Variants in POLK observed in about 807,000 individuals in gnomAD.
The protein encoded by POLK is DNA polymerase kappa, also known as polymerase (DNA directed) kappa.
A neutral mutation model predicts 94.0 loss-of-function variants in POLK; 76 were observed. The ratio of observed to expected loss-of-function variants is 0.81; its 90% CI spans 0.67 to 0.98. The LOEUF is 0.98. POLK is among the 50% of genes least tolerant of loss of function. POLK has a pLI of 0.00. For synonymous variants in POLK, 349 were observed against 325.4 expected, an observed-to-expected ratio of 1.07 and a Z score of -0.78; for missense variants, 954 against 1,010.1, an observed-to-expected ratio of 0.94 and a Z score of 0.75.
exon 13 of POLK, chr5:75,597,042 C>T (rs765967743): frequency 8.1e-6 from 13 of 1,613,534 alleles, no homozygotes; most frequent in Non-Finnish European, 1.1e-5. Flanking sequence ...CTGTTTGTAA[C>T]GTAGAACAAA....
intron 2 of POLK, among the ~76,000 whole-genome samples, chr5:75,548,049 A>G (rs1770141968): frequency 6.6e-6 from 1 of 151,992 alleles, no homozygotes; most frequent in Non-Finnish European, 1.5e-5. Flanking sequence ...TCAGACTTTG[A>G]AGAGCTAGGA....
intron 1 of POLK, among the ~76,000 whole-genome samples, chr5:75,530,941 G>A (rs1002096417): frequency 6.6e-6 from 1 of 151,632 alleles, no homozygotes; most frequent in Non-Finnish European, 1.5e-5. Context: ...GAGTAGCTGG[G>A]ACTACAGGTG....
At chr5:75,511,291 C>G, upstream of POLK, 1 of 1,566,602 alleles carries the variant, frequency 6.4e-7, no homozygotes, top group Non-Finnish European at 8.7e-7. Flanking sequence ...GGTGAAGGGT[C>G]GGGGGATGGC....
chr5:75,528,774 G>A lies in POLK; in HGVS notation c.-14+16860G>A, dbSNP rs975385022. Reference sequence around the variant, plus strand: ...TACAGTGAGCTATGATTGTGCTGCCGCACTCCAACCTGGGTGACAAAGCAA... The same window carrying A: ...TACAGTGAGCTATGATTGTGCTGCCACACTCCAACCTGGGTGACAAAGCAA... On this transcript the variant is annotated intron_variant, in intron 1 of 14. Transcript: ENST00000241436. 7.9e-5 allele frequency among the ~76,000 whole-genome samples: 12 copies of A among 152,156 alleles called. No homozygotes were observed. The East Asian group carries it at 2.1e-3, about 27-fold the overall frequency.
chr5:75,580,168 TA>T (rs1772123883), intron 6 of POLK, among the ~76,000 whole-genome samples: 1 of 152,196 alleles, frequency 6.6e-6, no homozygotes, highest in South Asian at 2.1e-4. Flanking sequence ...AACAGCCAAA[TA>T]CATTTTTCAA....
chr5:75,569,647 A>C (rs1402372318), intron 4 of POLK, among the ~76,000 whole-genome samples, 155 bp downstream of exon 4: 1 of 152,188 alleles, frequency 6.6e-6, no homozygotes, highest in East Asian at 1.9e-4. Context: ...TCCTTTCAAC[A>C]TACTTTAAGG....
At chr5:75,546,697 G>A (rs1380108639) in intron 1 of POLK, among the ~76,000 whole-genome samples, 8 of 137,884 alleles carry the variant, frequency 5.8e-5, no homozygotes, top group Admixed American at 3.5e-4. Context: ...ACAAAGTCTC[G>A]CTCTGTCCCC....
chr5:75,554,979 T>TA (rs368978940), intron 3 of POLK, among the ~76,000 whole-genome samples: 15 of 152,152 alleles, frequency 9.9e-5, no homozygotes, highest in African/African-American at 3.6e-4. Flanking sequence ...CAAGCCTGTA[T>TA]AAAAAGACCT....
chr5:75,599,797 A>C (rs1045859228), exon 15 of POLK: 1 of 152,180 alleles, frequency 6.6e-6, no homozygotes, highest in African/African-American at 2.4e-5. Context: ...ATTTGAAATA[A>C]AATTTAAAGC....
intron 6 of POLK, among the ~76,000 whole-genome samples, chr5:75,579,908 C>T (rs978442187): frequency 2.7e-5 from 4 of 147,538 alleles, no homozygotes; most frequent in Non-Finnish European, 4.4e-5. Context: ...ATTAGCTAAG[C>T]GTGATGGCTC....
At chr5:75,549,037 A>G (rs1770198091) in intron 2 of POLK, among the ~76,000 whole-genome samples, 2 of 152,162 alleles carry the variant, frequency 1.3e-5, no homozygotes, top group South Asian at 2.1e-4. Context: ...AAAATGTTTC[A>G]CTTGTAATGA....
At chr5:75,606,728 C>T in the POLK span, among the ~76,000 whole-genome samples, 1 of 151,748 alleles carries the variant, frequency 6.6e-6, no homozygotes, top group African/African-American at 2.4e-5. Context: ...AAAATGGAGT[C>T]TCCTATGTCT....
chr5:75,552,941 C>T (rs940254082), intron 3 of POLK, among the ~76,000 whole-genome samples: 31 of 151,868 alleles, frequency 2.0e-4, no homozygotes, highest in Admixed American at 5.2e-4. Context: ...GAAAAGGCCA[C>T]GGGATAAATG....
At chr5:75,581,263 C>T (rs1382255380) in exon 7 of POLK, 1 of 1,609,008 alleles carries the variant, frequency 6.2e-7, no homozygotes, top group Non-Finnish European at 8.5e-7. Context: ...TCCATCTCTC[C>T]ACTACTTTTT....
In POLK at chr5:75,569,923, A is replaced by G. The variant is rs1411943953; in HGVS notation, c.408+431A>G. On this transcript the variant is annotated intron_variant, in intron 4 of 14. Coordinates refer to ENST00000241436, the Ensembl canonical transcript of POLK. The stretch of plus-strand genomic sequence containing the variant: ...ATGAGAATCAAATGCCTGATGATCT[A>G]TCACTGTCTCCCATCACCCCCAGAT... 3.3e-5 allele frequency among the ~76,000 whole-genome samples: 5 copies of G among 152,222 alleles called. No individual in the cohort carries two copies. The East Asian group carries it at 7.7e-4, about 23-fold the overall frequency.
chr5:75,525,349 A>G (rs1768784616), intron 1 of POLK, among the ~76,000 whole-genome samples: 2 of 152,246 alleles, frequency 1.3e-5, no homozygotes, highest in South Asian at 4.1e-4. Flanking sequence ...GAAACTGTAG[A>G]ACTAAGAAAT....
intron 3 of POLK, among the ~76,000 whole-genome samples, chr5:75,567,354 A>G (rs1771333541): frequency 6.6e-6 from 1 of 152,094 alleles, no homozygotes; most frequent in Admixed American, 6.5e-5. Flanking sequence ...AATCTCCATA[A>G]TTTGTTTATA....
chr5:75,555,210 G>C (rs1244557750), intron 3 of POLK, among the ~76,000 whole-genome samples: 1 of 152,034 alleles, frequency 6.6e-6, no homozygotes, highest in Non-Finnish European at 1.5e-5. Context: ...CATTCTGTGG[G>C]TTTAGACAAA....
At chr5:75,531,308 T>G (rs1170393860) in intron 1 of POLK, among the ~76,000 whole-genome samples, 1 of 145,496 alleles carries the variant, frequency 6.9e-6, no homozygotes, top group Non-Finnish European at 1.5e-5. Flanking sequence ...AACAATATAC[T>G]ATATATATTT....
Sources: gnomAD v4.1 joint callset for allele counts (sites outside exome capture counted in the v4.1 genomes callset) on GRCh38, gnomAD v4.1.1 for gene constraint, MANE v1.5 for transcripts, NCBI Gene and HGNC (gene_info 2026-07-23, HGNC 2026-07-21) for gene names.